The following PPP1R12B variants were observed in gnomAD, a reference collection of about 807,000 sequenced individuals.
PPP1R12B encodes the protein myosin phosphatase target subunit 2.
PPP1R12B carries 76 observed loss-of-function variants against 126.1 expected under a neutral mutation model. The ratio of observed to expected loss-of-function variants is 0.60; its 90% CI spans 0.50 to 0.73. PPP1R12B has a LOEUF of 0.73. Ranked by LOEUF, PPP1R12B falls within the 30% of genes least tolerant of loss-of-function variation. The pLI is 0.00. For synonymous variants in PPP1R12B, 356 were observed against 434.7 expected, an observed-to-expected ratio of 0.82 and a Z score of 2.25; for missense variants, 1,052 against 1,205.1, an observed-to-expected ratio of 0.87 and a Z score of 1.88.
At chr1:202,569,942 C>A (rs1317892854) in intron 23 of PPP1R12B, among the ~76,000 whole-genome samples, 2 of 151,894 alleles carry the variant, frequency 1.3e-5, no homozygotes, top group Non-Finnish European at 2.9e-5. Flanking sequence ...GGCAGTGGGG[C>A]AGGGGGAGGG....
intron 13 of PPP1R12B, among the ~76,000 whole-genome samples, chr1:202,469,432 A>G (rs191318665): frequency 6.6e-6 from 1 of 152,338 alleles, no homozygotes; most frequent in Admixed American, 6.5e-5. Context: ...AATCTGTACA[A>G]CAAACTCTGT....
At chr1:202,375,772 C>T (rs1571678179) in intron 1 of PPP1R12B, among the ~76,000 whole-genome samples, 1 of 152,204 alleles carries the variant, frequency 6.6e-6, no homozygotes, top group African/African-American at 2.4e-5. Flanking sequence ...CCAGGCTGGT[C>T]TCAAATGCCT....
rs778281108 is a variant in PPP1R12B, at chr1:202,565,664, A to G, written c.2757+1117A>G. The stretch of plus-strand genomic sequence containing the variant: ...AGGTGTAAAATGTGAACTGCCTGTC[A>G]GTTTAGAAGAGCCACCCCCTTTTTC... On this transcript the variant is annotated intron_variant, in intron 21 of 23. Coordinates refer to ENST00000608999, the MANE Select transcript of PPP1R12B (RefSeq NM_002481.4). This position sits in a 1 kb window ranked among gnomAD's most constrained non-coding sequence, Gnocchi z 4.3. Among the ~76,000 whole-genome samples, 1 of 152,190 alleles carries G rather than the reference A, an allele frequency of 6.6e-6. No homozygotes were observed. Among genetic ancestry groups the G allele is most frequent in the African/African-American group, 2.4e-5 (1 of 41,456 alleles).
chr1:202,381,371 G>A (rs886840279), intron 1 of PPP1R12B, among the ~76,000 whole-genome samples: 21 of 132,138 alleles, frequency 1.6e-4, no homozygotes, highest in South Asian at 2.4e-4. Flanking sequence ...ATTGATGAGC[G>A]TGGGAGTGGT....
intron 18 of PPP1R12B, among the ~76,000 whole-genome samples, chr1:202,497,720 G>A (rs1382779925): frequency 1.3e-5 from 2 of 152,168 alleles, no homozygotes; most frequent in Admixed American, 6.5e-5. Flanking sequence ...GCCTGCCCTT[G>A]GTTGAAGCTG....
intron 13 of PPP1R12B, among the ~76,000 whole-genome samples, chr1:202,460,571 TC>T (rs1376512411): frequency 6.6e-6 from 1 of 152,232 alleles, no homozygotes; most frequent in Non-Finnish European, 1.5e-5. Context: ...CCAATCTTTC[TC>T]CAGTTTTGTT....
In PPP1R12B at chr1:202,581,657, A is replaced by C. The variant is rs1016441090; in HGVS notation, c.*1097A>C. On this transcript the variant is annotated 3_prime_UTR_variant, in exon 24 of 24. Coordinates refer to ENST00000608999, the MANE Select transcript of PPP1R12B (RefSeq NM_002481.4). The stretch of plus-strand genomic sequence containing the variant: ...TGTTGAGAGATGGACTAGGAAGTGG[A>C]AGCAGGCTGGAAAGACACATATGGC... 6.6e-6 allele frequency: 1 copy of C among 152,202 alleles called. No individual in the cohort carries two copies. Among genetic ancestry groups the C allele is most frequent in the African/African-American group, 2.4e-5 (1 of 41,440 alleles). The allele number at this position is 152,202 out of a possible 1,614,324, so 9.4% of individuals were successfully genotyped here. A position where few individuals can be genotyped will look rare whatever the true frequency, so the allele number is the denominator to read the frequency against.
intron 11 of PPP1R12B, among the ~76,000 whole-genome samples, chr1:202,441,303 C>A (rs931820876): frequency 1.3e-5 from 2 of 152,076 alleles, no homozygotes; most frequent in Admixed American, 1.3e-4. Flanking sequence ...ATTGGCATCA[C>A]CCGGGTACAT....
At chr1:202,356,260 AT>A (rs769430065) in intron 1 of PPP1R12B, among the ~76,000 whole-genome samples, 2 of 152,186 alleles carry the variant, frequency 1.3e-5, no homozygotes, top group Non-Finnish European at 2.9e-5. Context: ...TTTCCTATCT[AT>A]GCTCCAGTTT....
rs574943396 is a variant in PPP1R12B at position 202,442,665 on chromosome 1, C to T, written c.1667+93C>T. On this transcript the variant is annotated intron_variant, in intron 12 of 23. Transcript: ENST00000608999. The stretch of plus-strand genomic sequence containing the variant: ...ATGCCTTTTTATGTCCAATTAACAC[C>T]GCAGAAATGAATCAAAATGAATTAC... 22 of 1,281,206 alleles carry T rather than the reference C, an allele frequency of 1.7e-5. No homozygotes were observed. The African/African-American group carries it at 2.3e-4, about 13-fold the overall frequency. The allele number at this position is 1,281,206 out of a possible 1,614,324, so 79.4% of individuals were successfully genotyped here. A position where few individuals can be genotyped will look rare whatever the true frequency, so the allele number is the denominator to read the frequency against.
intron 3 of PPP1R12B, among the ~76,000 whole-genome samples, chr1:202,424,278 A>G (rs1367914703): frequency 6.6e-6 from 1 of 150,682 alleles, no homozygotes; most frequent in Non-Finnish European, 1.5e-5. Context: ...CACCCCATCC[A>G]TCTCCCAAAA....
At chr1:202,528,866 T>G (rs934702538) in intron 18 of PPP1R12B, among the ~76,000 whole-genome samples, 3 of 152,188 alleles carry the variant, frequency 2.0e-5, no homozygotes, top group African/African-American at 7.2e-5. Flanking sequence ...TTTGAAATCT[T>G]AGGCATAGGG....
intron 10 of PPP1R12B, chr1:202,439,404 AC>A (rs1206343229): frequency 1.6e-6 from 2 of 1,243,488 alleles, no homozygotes; most frequent in East Asian, 2.4e-5. Context: ...ACAGCGGAGC[AC>A]GGAGACCGCC....
chr1:202,555,463 TAAAA>T (rs59737329), intron 18 of PPP1R12B, among the ~76,000 whole-genome samples: 4 of 61,428 alleles, frequency 6.5e-5, no homozygotes, highest in South Asian at 4.8e-4. Flanking sequence ...AAGAAGAAAC[TAAAA>T]AAAAAAAAAA....
At chr1:202,521,278 G>A (rs1230639279) in intron 18 of PPP1R12B, among the ~76,000 whole-genome samples, 1 of 151,964 alleles carries the variant, frequency 6.6e-6, no homozygotes, top group Non-Finnish European at 1.5e-5. Flanking sequence ...ATAGATACAG[G>A]TACTTACATT....
intron 11 of PPP1R12B, among the ~76,000 whole-genome samples, chr1:202,441,337 TC>T (rs1248394583): frequency 5.8e-4 from 89 of 152,274 alleles, no homozygotes; most frequent in African/African-American, 2.0e-3. Context: ...AAAATAATTT[TC>T]TTTAATAGAA....
At chr1:202,403,183 A>G (rs979920419) in intron 1 of PPP1R12B, among the ~76,000 whole-genome samples, 1 of 152,164 alleles carries the variant, frequency 6.6e-6, no homozygotes, top group Non-Finnish European at 1.5e-5. Flanking sequence ...TGAGAAACGC[A>G]TGTTCTGCCT....
intron 18 of PPP1R12B, chr1:202,539,782 T>C (rs1273184295): frequency 6.3e-6 from 1 of 159,634 alleles, no homozygotes; most frequent in African/African-American, 2.4e-5. Context: ...TAGACTCAGG[T>C]TTTATTGGAG....
chr1:202,402,839 A>G (rs1666046096), intron 1 of PPP1R12B, among the ~76,000 whole-genome samples: 1 of 152,278 alleles, frequency 6.6e-6, no homozygotes, highest in African/African-American at 2.4e-5. Context: ...TTTTCACTGT[A>G]TGTAAATTTT....
Sources: gnomAD v4.1 joint callset for allele counts (sites outside exome capture counted in the v4.1 genomes callset) on GRCh38, gnomAD v4.1.1 for gene constraint, Gnocchi (gnomAD v3.1) non-coding constraint, MANE v1.5 for transcripts, NCBI Gene and HGNC (gene_info 2026-07-23, HGNC 2026-07-21) for gene names.